Variants in SLCO1B1 observed in about 807,000 individuals in gnomAD.
SLCO1B1 encodes solute carrier organic anion transporter family member 1B1.
A neutral mutation model predicts 70.1 loss-of-function variants in SLCO1B1; 81 were observed. The observed-to-expected ratio is 1.16, with a 90% CI of 0.97 to 1.39. SLCO1B1 has a LOEUF of 1.39. Ranked by LOEUF, SLCO1B1 falls within the 40% of genes most tolerant of loss-of-function variation. The pLI, the probability that SLCO1B1 is intolerant of heterozygous loss-of-function variation, is 0.00. For missense variants in SLCO1B1, 895 were observed against 799.6 expected (o/e 1.12, Z -1.44); for synonymous variants, 283 against 271.5 (o/e 1.04, Z -0.42).
intron 7 of SLCO1B1, among the ~76,000 whole-genome samples, chr12:21,187,375 G>A (rs1940974910): frequency 6.6e-6 from 1 of 152,040 alleles, no homozygotes; most frequent in African/African-American, 2.4e-5. Context: ...CTGAAGACAG[G>A]AAGTAGCTTG....
At chr12:21,237,800 C>T (rs530823003) in intron 14 of SLCO1B1, among the ~76,000 whole-genome samples, 13 of 151,928 alleles carry the variant, frequency 8.6e-5, no homozygotes, top group South Asian at 2.1e-4. Context: ...CTGCAACCCC[C>T]GCCTCCCGAG....
chr12:21,172,395 AT>A (rs1426874940), intron 2 of SLCO1B1, among the ~76,000 whole-genome samples: 10 of 152,354 alleles, frequency 6.6e-5, no homozygotes, highest in African/African-American at 2.4e-4. Context: ...TAATTTAAAA[AT>A]AACAACCTTA....
intron 1 of SLCO1B1, among the ~76,000 whole-genome samples, chr12:21,132,146 T>A (rs1940145546): frequency 6.6e-6 from 1 of 152,168 alleles, no homozygotes; most frequent in African/African-American, 2.4e-5. Context: ...TTCATCCATG[T>A]CCCTACAAAG....
intron 2 of SLCO1B1, 51 bp downstream of exon 2, chr12:21,141,709 A>T: frequency 8.9e-7 from 1 of 1,128,086 alleles, no homozygotes; most frequent in South Asian, 1.3e-5. Context: ...AGGGAACTTT[A>T]ATGTATAGAA....
chr12:21,146,464 T>C (rs191105466), intron 2 of SLCO1B1, among the ~76,000 whole-genome samples: 92 of 152,276 alleles, frequency 6.0e-4, no homozygotes, highest in African/African-American at 2.1e-3. Context: ...ATTTTTATTC[T>C]ATTTTTTCTT....
intron 11 of SLCO1B1, among the ~76,000 whole-genome samples, chr12:21,215,582 T>G (rs1941348213): frequency 1.3e-5 from 2 of 152,190 alleles, no homozygotes; most frequent in African/African-American, 4.8e-5. Context: ...AGTTTGCTAG[T>G]GTTTTGTTGA....
intron 11 of SLCO1B1, among the ~76,000 whole-genome samples, chr12:21,209,731 A>T (rs1941257034): frequency 6.6e-6 from 1 of 150,740 alleles, no homozygotes. Context: ...TTGTTTCCTG[A>T]CTTTTTAATG....
At chr12:21,152,476 A>T (rs968783767) in intron 2 of SLCO1B1, among the ~76,000 whole-genome samples, 1 of 138,666 alleles carries the variant, frequency 7.2e-6, no homozygotes, top group African/African-American at 2.6e-5. Flanking sequence ...TGAGTTTTGT[A>T]AAACCTGCTA....
chr12:21,216,333 A>T (rs1941357382), intron 11 of SLCO1B1, among the ~76,000 whole-genome samples: 1 of 152,158 alleles, frequency 6.6e-6, no homozygotes, highest in South Asian at 2.1e-4. Flanking sequence ...ATAGATTTAA[A>T]TTCTTCTACA....
rs1033396314 is a variant in SLCO1B1, at chr12:21,239,274, G to T, written c.*85G>T. On this transcript the variant is annotated 3_prime_UTR_variant, in exon 15 of 15. Coordinates refer to ENST00000256958, the MANE Select transcript of SLCO1B1 (RefSeq NM_006446.5). The stretch of plus-strand genomic sequence containing the variant: ...AAGATGTTATTTTTGAGGAGTTCCT[G>T]GTCCTTTCACTAAGAATTTCCACAT... The T allele has an allele frequency of 4.2e-5, 40 of 955,642 alleles. No individual in the cohort carries two copies. The highest frequency in any genetic ancestry group is 8.5e-6 in the Non-Finnish European group (5 of 586,526). The allele number at this position is 955,642 out of a possible 1,614,324, so 59.2% of individuals were successfully genotyped here.
Position 21,178,824 on chromosome 12 carries a change from T to C in SLCO1B1, c.629-98T>C, listed in dbSNP as rs192182120. 6.8e-5 allele frequency: 91 copies of C among 1,328,784 alleles called. No homozygotes were observed. In the African/African-American group the frequency reaches 1.2e-3, roughly 18 times the overall value. The allele number at this position is 1,328,784 out of a possible 1,614,324, so 82.3% of individuals were successfully genotyped here. On this transcript the variant is annotated intron_variant, in intron 6 of 14. Coordinates refer to ENST00000256958, the MANE Select transcript of SLCO1B1 (RefSeq NM_006446.5). Reference sequence around the variant, plus strand: ...ATTATTTTACCTATTAGAACATATATTTGGGTATATGTATTGTATCATATT... The same window carrying C: ...ATTATTTTACCTATTAGAACATATACTTGGGTATATGTATTGTATCATATT...
intron 14 of SLCO1B1, among the ~76,000 whole-genome samples, chr12:21,228,065 G>A (rs1416503525): frequency 3.9e-5 from 6 of 151,950 alleles, no homozygotes; most frequent in Non-Finnish European, 7.4e-5. Context: ...TTATTCTTGT[G>A]TACTTTAATT....
intron 2 of SLCO1B1, among the ~76,000 whole-genome samples, chr12:21,143,859 CTG>C (rs1399000847): frequency 6.6e-6 from 1 of 152,076 alleles, no homozygotes; most frequent in Non-Finnish European, 1.5e-5. Context: ...TGTCAAGCAA[CTG>C]TGGATTCTAA....
At chr12:21,159,089 T>C (rs766793055) in intron 2 of SLCO1B1, among the ~76,000 whole-genome samples, 9 of 152,162 alleles carry the variant, frequency 5.9e-5, no homozygotes, top group South Asian at 2.1e-4. Flanking sequence ...GAGATGCTGA[T>C]CTGAATTACA....
intron 2 of SLCO1B1, among the ~76,000 whole-genome samples, chr12:21,170,632 T>A (rs57446937): frequency 0.31 from 46,452 of 152,146 alleles, 8,373 homozygotes; most frequent in East Asian, 0.49. Context: ...CCCTTTCTCC[T>A]GTTTTATTAT....
intron 3 of SLCO1B1, among the ~76,000 whole-genome samples, chr12:21,173,237 C>T (rs1940776937): frequency 6.6e-6 from 1 of 152,132 alleles, no homozygotes; most frequent in African/African-American, 2.4e-5. Context: ...AAAAATCTTT[C>T]CTTTGAAATA....
In SLCO1B1 at chr12:21,178,782, G is replaced by C. The variant is rs576844894; in HGVS notation, c.628+60G>C. The C allele has an allele frequency of 6.4e-4, 945 of 1,477,680 alleles. 16 individuals carry two copies. In the South Asian group the frequency reaches 9.6e-3, roughly 15 times the overall value. The allele number at this position is 1,477,680 out of a possible 1,614,324, so 91.5% of individuals were successfully genotyped here. ...TTTCCCTTTGTCTACTTTTGAAATA[G>C]TAGAGTTACTAAACTTATTATTTTA... is the stretch of plus-strand genomic sequence containing the variant. On this transcript the variant is annotated intron_variant, in intron 6 of 14. Coordinates refer to ENST00000256958, the MANE Select transcript of SLCO1B1 (RefSeq NM_006446.5).
chr12:21,183,236 C>T (rs1940926519), intron 7 of SLCO1B1, among the ~76,000 whole-genome samples: 1 of 152,214 alleles, frequency 6.6e-6, no homozygotes, highest in Non-Finnish European at 1.5e-5. Context: ...CACTCTGTTA[C>T]CCAGGCTAGA....
At chr12:21,203,670 T>TA (rs1334267224) in intron 10 of SLCO1B1, among the ~76,000 whole-genome samples, 1 of 152,136 alleles carries the variant, frequency 6.6e-6, no homozygotes, top group Non-Finnish European at 1.5e-5. Flanking sequence ...TCTGAACTGT[T>TA]ATTGGTATCT....
Sources: allele counts gnomAD v4.1 joint callset (sites outside exome capture counted in the v4.1 genomes callset), GRCh38; gene constraint gnomAD v4.1.1; transcripts MANE v1.5; gene names NCBI Gene and HGNC (gene_info 2026-07-23, HGNC 2026-07-21).